The following PRSS23 variants were observed in gnomAD, a reference collection of about 807,000 sequenced individuals.
The protein encoded by PRSS23 is protease, serine 23.
Under a neutral mutation model 34.7 loss-of-function variants are expected in PRSS23, and 25 were observed. That is an observed-to-expected ratio of 0.72 (90% confidence interval 0.53 to 1.01). The LOEUF is 1.01. Ranked by LOEUF, PRSS23 falls within the 50% of genes least tolerant of loss-of-function variation. The probability of loss-of-function intolerance (pLI) is 0.00; values close to 1 mark genes in which losing one functional copy is unlikely to be tolerated. For synonymous variants in PRSS23, 176 were observed against 186.6 expected (o/e 0.94, Z 0.46); for missense variants, 445 against 475.6 (o/e 0.94, Z 0.60).
At chr11:86,880,016 G>A (rs1468607692) in intron 2 of PRSS23, among the ~76,000 whole-genome samples, 2 of 152,238 alleles carry the variant, frequency 1.3e-5, no homozygotes, top group South Asian at 2.1e-4. Flanking sequence ...GGAGAAAGGC[G>A]GGGAAAGGAT....
chr11:86,950,838 G>A lies in PRSS23; in HGVS notation c.207-378G>A, dbSNP rs1949284107. 8.9e-6 allele frequency: 4 copies of A among 451,924 alleles called. No homozygotes were observed. The Admixed American group carries it at 1.0e-4, about 12-fold the overall frequency. 28.0% of individuals were successfully genotyped at this position (451,924 alleles called of 1,614,324 possible). On this transcript the variant is annotated intron_variant, in intron 2 of 2. Transcript: ENST00000533902. ...AAAACAGTATCGCCCTGGACTTCCT[G>A]GAATCTAGGCAGGACCTCCACGCTC...
intron 2 of PRSS23, among the ~76,000 whole-genome samples, chr11:86,879,673 TG>T (rs1270612410): frequency 5.5e-5 from 6 of 108,964 alleles, no homozygotes; most frequent in Non-Finnish European, 9.3e-5. Flanking sequence ...GGGAAGGAGG[TG>T]GGGGGGTCAG....
At chr11:86,914,838 T>A (rs1565384790) in intron 2 of PRSS23, among the ~76,000 whole-genome samples, 1 of 152,240 alleles carries the variant, frequency 6.6e-6, no homozygotes. Flanking sequence ...ATACATTTTT[T>A]AAAAGTTTAA....
At chr11:86,914,624 C>T (rs911541883) in intron 2 of PRSS23, among the ~76,000 whole-genome samples, 1 of 152,102 alleles carries the variant, frequency 6.6e-6, no homozygotes, top group African/African-American at 2.4e-5. Flanking sequence ...TCTGATTGTT[C>T]TTTCAAAATA....
chr11:86,878,064 C>T (rs1034198500), intron 2 of PRSS23, among the ~76,000 whole-genome samples: 4 of 151,894 alleles, frequency 2.6e-5, no homozygotes, highest in Non-Finnish European at 5.9e-5. Flanking sequence ...CACATTTGCA[C>T]CTCTTTTTTA....
At chr11:86,845,710 C>T (rs568333443) in intron 2 of PRSS23, among the ~76,000 whole-genome samples, 15 of 152,146 alleles carry the variant, frequency 9.9e-5, no homozygotes, top group African/African-American at 3.6e-4. Context: ...TTTTCTTCCC[C>T]AAGAAAGCTA....
chr11:86,879,359 A>C (rs1362846459), intron 2 of PRSS23, among the ~76,000 whole-genome samples: 1 of 113,670 alleles, frequency 8.8e-6, no homozygotes, highest in African/African-American at 3.4e-5. Context: ...ACCGCCCCAT[A>C]TGAGAAGTGA....
chr11:86,925,242 TG>T (rs1295170610), intron 2 of PRSS23, among the ~76,000 whole-genome samples: 1 of 96,092 alleles, frequency 1.0e-5, no homozygotes, highest in Admixed American at 1.1e-4. Flanking sequence ...TGTTTTCTCT[TG>T]GCAGGGAATT....
At chr11:86,838,845 G>C (rs1948426200) in intron 2 of PRSS23, among the ~76,000 whole-genome samples, 3 of 152,104 alleles carry the variant, frequency 2.0e-5, no homozygotes, top group Non-Finnish European at 4.4e-5. Flanking sequence ...ACAGGTTCTG[G>C]AATCGACCTC....
At chr11:86,834,498 C>T (rs1948387035) in intron 2 of PRSS23, among the ~76,000 whole-genome samples, 1 of 149,628 alleles carries the variant, frequency 6.7e-6, no homozygotes, top group South Asian at 2.1e-4. Flanking sequence ...CTTGGTGATT[C>T]CCTTCTATTT....
intron 2 of PRSS23, among the ~76,000 whole-genome samples, chr11:86,903,504 A>G (rs1177768581): frequency 1.6e-5 from 2 of 126,256 alleles, no homozygotes; most frequent in Non-Finnish European, 1.6e-5. Flanking sequence ...TTTTTTTGAG[A>G]CGGAGTCTCG....
chr11:86,950,819 G>C (rs1414407404), intron 2 of PRSS23: 3 of 411,638 alleles, frequency 7.3e-6, no homozygotes, highest in Non-Finnish European at 1.4e-5. Flanking sequence ...GGGGAAAACA[G>C]TATCGCCCTG....
At chr11:86,937,974 G>A (rs1324239272) in intron 2 of PRSS23, among the ~76,000 whole-genome samples, 2 of 152,172 alleles carry the variant, frequency 1.3e-5, no homozygotes, top group Non-Finnish European at 2.9e-5. Context: ...CTAGTGGTGT[G>A]AAAGCTGAGG....
chr11:86,805,599 CT>C (rs1948091222), intron 1 of PRSS23, among the ~76,000 whole-genome samples: 1 of 152,150 alleles, frequency 6.6e-6, no homozygotes, highest in Non-Finnish European at 1.5e-5. Context: ...AAGGAACTGG[CT>C]TTTCCAGGAC....
intron 2 of PRSS23, chr11:86,947,115 A>C (rs1949249868): frequency 6.5e-6 from 1 of 154,436 alleles, no homozygotes; most frequent in Non-Finnish European, 1.4e-5. Flanking sequence ...TGGCAGGAGA[A>C]TCACTTGAAC....
chr11:86,938,361 G>A (rs1465239991), intron 2 of PRSS23, among the ~76,000 whole-genome samples: 2 of 152,184 alleles, frequency 1.3e-5, no homozygotes, highest in Non-Finnish European at 2.9e-5. Context: ...AAGAGGAAAC[G>A]TGTATGCAGG....
chr11:86,797,263 T>C (rs1947987246), upstream of PRSS23, among the ~76,000 whole-genome samples: 1 of 152,202 alleles, frequency 6.6e-6, no homozygotes, highest in African/African-American at 2.4e-5. Context: ...ATGGGACGAG[T>C]ACAAAAAGAA....
At chr11:86,898,162 G>A (rs116151559) in intron 2 of PRSS23, among the ~76,000 whole-genome samples, 7 of 152,226 alleles carry the variant, frequency 4.6e-5, no homozygotes, top group African/African-American at 1.7e-4. Context: ...ATTTCATTTC[G>A]ATGAGAACCT....
intron 2 of PRSS23, chr11:86,938,986 T>G (rs1949182517): frequency 2.3e-6 from 1 of 427,954 alleles, no homozygotes; most frequent in Admixed American, 2.9e-5. Flanking sequence ...TAGGGAAATT[T>G]CTCACTTGAT....
Sources: gnomAD v4.1 joint callset for allele counts (sites outside exome capture counted in the v4.1 genomes callset) on GRCh38, gnomAD v4.1.1 for gene constraint, MANE v1.5 for transcripts, NCBI Gene and HGNC (gene_info 2026-07-23, HGNC 2026-07-21) for gene names.